The following CHRNA1 variants were observed in gnomAD, a reference collection of about 807,000 sequenced individuals.
The protein encoded by CHRNA1 is acetylcholine receptor subunit alpha.
CHRNA1 carries 35 observed loss-of-function variants against 47.1 expected under a neutral mutation model. The observed-to-expected ratio is 0.74, with a 90% CI of 0.57 to 0.99. The LOEUF is 0.99. Among genes scored for constraint, CHRNA1 ranks in the 50% least tolerant of loss-of-function variants. CHRNA1 has a pLI of 0.00. For synonymous variants in CHRNA1, 229 were observed against 223.6 expected, an observed-to-expected ratio of 1.02 and a Z score of -0.22; for missense variants, 506 against 591.1, an observed-to-expected ratio of 0.86 and a Z score of 1.49.
intron 3 of CHRNA1, 83 bp downstream of exon 3, chr2:174,759,248 T>C (rs1218011093): frequency 6.0e-6 from 8 of 1,339,542 alleles, no homozygotes; most frequent in African/African-American, 1.4e-5. Context: ...ATATCCCTGT[T>C]ACCCATATTG....
intron 1 of CHRNA1, among the ~76,000 whole-genome samples, chr2:174,761,080 C>A (rs1372552896): frequency 6.6e-6 from 1 of 152,174 alleles, no homozygotes; most frequent in African/African-American, 2.4e-5. Context: ...TTGTGCTGAG[C>A]TTCTGGGCTA....
In CHRNA1 at chr2:174,747,979, T is replaced by A. The variant is rs980649919; in HGVS notation, c.*145A>T. ...AACACTTCAAGGCCATAAACTTACA[T>A]AAAGGTAAATCTTATCATCAATAAT... On this transcript the variant is annotated 3_prime_UTR_variant, in exon 9 of 9. Coordinates refer to ENST00000348749, the MANE Select transcript of CHRNA1 (RefSeq NM_000079.4). 9.3e-7 allele frequency: 1 copy of A among 1,076,776 alleles called. No homozygotes were observed. The highest frequency in any genetic ancestry group is 1.4e-6 in the Non-Finnish European group (1 of 731,468). The allele number at this position is 1,076,776 out of a possible 1,614,324, so 66.7% of individuals were successfully genotyped here.
intron 7 of CHRNA1, 78 bp from the exon 8 acceptor site, chr2:174,748,897 T>C (rs1683791724): frequency 1.3e-6 from 2 of 1,578,804 alleles, no homozygotes; most frequent in Non-Finnish European, 8.6e-7. Flanking sequence ...GAATTATCAA[T>C]GTGATTTGGG....
Position 174,756,852 on chromosome 2 carries a change from TC to T in CHRNA1, c.344+713del, listed in dbSNP as rs369705492. Among the ~76,000 whole-genome samples, 1,407 of 152,228 alleles carry T rather than the reference TC, an allele frequency of 9.2e-3. 9 individuals are homozygous for T. Among genetic ancestry groups the T allele is most frequent in the Non-Finnish European group, 0.016 (1,115 of 68,016 alleles). The stretch of plus-strand genomic sequence containing the variant: ...TTGTATAATGTCAGACCATAAATCC[TC>T]CCGGCCGGTGTTGCATGCTCCTGCC... On this transcript the variant is annotated intron_variant, in intron 4 of 8. Transcript: ENST00000348749.
chr2:174,751,835 C>T (rs545053295), intron 6 of CHRNA1, among the ~76,000 whole-genome samples: 3 of 152,032 alleles, frequency 2.0e-5, no homozygotes, highest in African/African-American at 7.2e-5. Context: ...CGTGCCACCA[C>T]ACCTGGCTAA....
In CHRNA1 at chr2:174,748,054, A is replaced by C. The variant is rs1237402217; in HGVS notation, c.*70T>G. ...TAAGTGCGAGTGGAGCAAGTAGACA[A>C]ATCTTCCTCTCCTGCCCTTCTCTGC... is the stretch of plus-strand genomic sequence containing the variant. On this transcript the variant is annotated 3_prime_UTR_variant, in exon 9 of 9. Transcript: ENST00000348749. The C allele has an allele frequency of 3.4e-5, 55 of 1,597,824 alleles. No individual in the cohort carries two copies. The highest frequency in any genetic ancestry group is 4.7e-5 in the Non-Finnish European group (55 of 1,168,812).
At chr2:174,758,933 A>G (rs1684036542) in intron 3 of CHRNA1, among the ~76,000 whole-genome samples, 2 of 152,256 alleles carry the variant, frequency 1.3e-5, no homozygotes, top group South Asian at 2.1e-4. Flanking sequence ...TATGTATCAC[A>G]TACACAAGAA....
chr2:174,757,511 C>T (rs1659541922), intron 4 of CHRNA1, 55 bp downstream of exon 4: 1 of 1,272,782 alleles, frequency 7.9e-7, no homozygotes, highest in South Asian at 1.2e-5. Context: ...TCTATTAGGG[C>T]ACTTTATTCC....
chr2:174,759,571 T>A lies in CHRNA1; in HGVS notation c.106A>T (p.Ser36Cys), dbSNP rs1332172997. 3.1e-6 allele frequency: 5 copies of A among 1,614,032 alleles called. No homozygotes were observed. The highest frequency in any genetic ancestry group is 3.4e-6 in the Non-Finnish European group (4 of 1,179,988). ...RLVAKLFKDYSSVVRPVEDHR... is the reference protein window; with the variant it reads ...RLVAKLFKDYCSVVRPVEDHR... The stretch of plus-strand genomic sequence containing the variant: ...TCTTCCACTGGCCGCACCACGCTGC[T>A]GTAGTCTTTAAATAGCTTTGCCACC... Residue 36 changes from serine (S) to cysteine (C), a missense_variant, in exon 2 of 9, where the codon AGC becomes TGC. Transcript: ENST00000348749.
Position 174,750,180 on chromosome 2 carries a change from CAAAAAA to C in CHRNA1, c.779-17_779-12del. The stretch of plus-strand genomic sequence containing the variant: ...GAGTCATCTTCTCCCCTGAAAAGAC[CAAAAAA>C]AAAAAAAAAAATCCCACAACTACCC... On this transcript the variant is annotated splice_polypyrimidine_tract_variant and intron_variant, in intron 6 of 8. Coordinates refer to ENST00000348749, the MANE Select transcript of CHRNA1 (RefSeq NM_000079.4). 1.3e-5 allele frequency: 18 copies of C among 1,430,228 alleles called. No homozygotes were observed. Among genetic ancestry groups the C allele is most frequent in the Non-Finnish European group, 1.5e-5 (16 of 1,040,984 alleles). 88.6% of individuals were successfully genotyped at this position (1,430,228 alleles called of 1,614,324 possible). A position where few individuals can be genotyped will look rare whatever the true frequency, so the allele number is the denominator to read the frequency against.
In CHRNA1 at chr2:174,764,347, C is replaced by G; in HGVS notation, c.43+5G>C. The G allele has an allele frequency of 6.2e-7, 1 of 1,613,244 alleles. No individual in the cohort carries two copies. The highest frequency in any genetic ancestry group is 8.5e-7 in the Non-Finnish European group (1 of 1,179,666). On this transcript the variant is annotated splice_donor_5th_base_variant and intron_variant, in intron 1 of 8. Coordinates refer to ENST00000348749, the MANE Select transcript of CHRNA1 (RefSeq NM_000079.4). ...CCTCTCCCCACCCCTGACCCCAGCA[C>G]TTACCTGAGCAAAGGCTAAAGAGCA...
Position 174,748,456 on chromosome 2 carries a change from G to A in CHRNA1, c.1242+124C>T, listed in dbSNP as rs139654541. ...AAGGTGGTCTAGAGGCGGTCACCAG[G>A]GTTCATCTTAGGTCAGTAGCTGCCT... On this transcript the variant is annotated intron_variant, in intron 8 of 8. Transcript: ENST00000348749. The A allele has an allele frequency of 7.0e-5, 100 of 1,428,934 alleles. No individual in the cohort carries two copies. In the African/African-American group the frequency reaches 1.2e-3, roughly 17 times the overall value. The allele number at this position is 1,428,934 out of a possible 1,614,324, so 88.5% of individuals were successfully genotyped here.
intron 4 of CHRNA1, among the ~76,000 whole-genome samples, chr2:174,755,516 T>A (rs1283188340): frequency 2.0e-5 from 3 of 151,532 alleles, no homozygotes; most frequent in Non-Finnish European, 4.4e-5. Context: ...GTCTCCTGGG[T>A]TCCCACCATT....
intron 4 of CHRNA1, 140 bp from the exon 5 acceptor site, chr2:174,754,554 A>G (rs1291464723): frequency 2.7e-6 from 2 of 736,432 alleles, no homozygotes; most frequent in African/African-American, 1.7e-5. Flanking sequence ...GTCACTTTTT[A>G]TCTATTGCAA....
chr2:174,753,973 A>G (rs1331303090), intron 5 of CHRNA1, among the ~76,000 whole-genome samples: 1 of 152,152 alleles, frequency 6.6e-6, no homozygotes, highest in East Asian at 1.9e-4. Flanking sequence ...TGGGAGCTTT[A>G]AAACATATTG....
chr2:174,753,821 GC>G, intron 5 of CHRNA1, 81 bp from the exon 6 acceptor site: 1 of 1,331,996 alleles, frequency 7.5e-7, no homozygotes, highest in Non-Finnish European at 1.1e-6. Context: ...CAGTGACAAG[GC>G]CACAGATTCC....
intron 6 of CHRNA1, among the ~76,000 whole-genome samples, chr2:174,750,372 A>G (rs1015775798): frequency 6.6e-6 from 1 of 152,094 alleles, no homozygotes; most frequent in Admixed American, 6.6e-5. Context: ...AAGTATGACT[A>G]GTGTCCTTAT....
At chr2:174,749,925 T>C (rs1559200848) in intron 7 of CHRNA1, 21 bp downstream of exon 7, 3 of 1,605,960 alleles carry the variant, frequency 1.9e-6, no homozygotes, top group Non-Finnish European at 2.6e-6. Context: ...GTGTGAAGTC[T>C]GCAGGGGCCT....
chr2:174,751,420 T>G (rs1480435328), intron 6 of CHRNA1, among the ~76,000 whole-genome samples: 3 of 152,180 alleles, frequency 2.0e-5, no homozygotes, highest in Admixed American at 2.0e-4. Flanking sequence ...ACTGGCTGCT[T>G]CCGGATGCTA....
Sources: allele counts gnomAD v4.1 joint callset (sites outside exome capture counted in the v4.1 genomes callset), GRCh38; gene constraint gnomAD v4.1.1; transcripts MANE v1.5; gene names NCBI Gene and HGNC (gene_info 2026-07-23, HGNC 2026-07-21).